MRPL54: variants seen among roughly 807,000 people sequenced by gnomAD.
MRPL54 encodes mitochondrial ribosomal protein L54.
MRPL54 carries 12 observed loss-of-function variants against 15.6 expected under a neutral mutation model. The ratio of observed to expected loss-of-function variants is 0.77; its 90% CI spans 0.49 to 1.24. The LOEUF is 1.24. MRPL54 is among the 50% of genes most tolerant of loss of function. The pLI is 0.00. For synonymous variants in MRPL54, 91 were observed against 75.7 expected (o/e 1.20, Z -1.05); for missense variants, 178 against 186.8 (o/e 0.95, Z 0.28).
chr19:3,766,371 G>A (rs546705243), intron 2 of MRPL54, among the ~76,000 whole-genome samples: 3 of 151,030 alleles, frequency 2.0e-5, no homozygotes, highest in South Asian at 4.2e-4. Flanking sequence ...GAGCCACCAC[G>A]CCTGGCCTAA....
rs2037189286 is a variant in MRPL54, at chr19:3,765,348, G to A, written c.284+17G>A. The A allele has an allele frequency of 3.7e-6, 6 of 1,611,690 alleles. No individual in the cohort carries two copies. In the South Asian group the frequency reaches 4.4e-5, roughly 12 times the overall value. On this transcript the variant is annotated intron_variant, in intron 2 of 2. Transcript: ENST00000330133. Reference sequence around the variant, plus strand: ...CCCTGAATGGTGAGTAGGCCAGGCTGTGTCATCCTGCAATGACTATTCCTT... The same window carrying A: ...CCCTGAATGGTGAGTAGGCCAGGCTATGTCATCCTGCAATGACTATTCCTT...
chr19:3,764,830 C>T (rs1461667666), intron 1 of MRPL54, among the ~76,000 whole-genome samples: 6 of 151,822 alleles, frequency 4.0e-5, no homozygotes, highest in Admixed American at 1.3e-4. Context: ...AGATCGAGAC[C>T]ATCCTGGCTA....
intron 2 of MRPL54, among the ~76,000 whole-genome samples, chr19:3,766,439 C>G (rs192964201): frequency 7.2e-5 from 11 of 152,282 alleles, no homozygotes; most frequent in Admixed American, 2.0e-4. Context: ...GTCTTGAACT[C>G]CTGACCTCAG....
chr19:3,767,527 G>A lies in MRPL54; in HGVS notation c.*134G>A, dbSNP rs78898700. The A allele has an allele frequency of 4.3e-4, 530 of 1,233,618 alleles. 2 individuals are homozygous for A. The African/African-American group carries it at 7.6e-3, about 18-fold the overall frequency. 76.4% of individuals were successfully genotyped at this position (1,233,618 alleles called of 1,614,324 possible). On this transcript the variant is annotated 3_prime_UTR_variant, in exon 3 of 3. Coordinates refer to ENST00000330133, the MANE Select transcript of MRPL54 (RefSeq NM_172251.3). ...GACCCCACAGTGGGGCTGGACCAGG[G>A]CCCTGGAGGCCAATAAAGAGCTTTC... is the stretch of plus-strand genomic sequence containing the variant.
Position 3,765,726 on chromosome 19 carries a change from C to T in MRPL54, c.284+395C>T, listed in dbSNP as rs368892893. 5.0e-4 allele frequency among the ~76,000 whole-genome samples: 76 copies of T among 151,894 alleles called. 1 individual carries two copies. The highest frequency in any genetic ancestry group is 1.5e-3 in the African/African-American group (64 of 41,470). ...CAGCCTGGCCAACATGGTGAAACCT[C>T]GTCTCTACTAAAAATATAAAAATTA... On this transcript the variant is annotated intron_variant, in intron 2 of 2. Coordinates refer to ENST00000330133, the MANE Select transcript of MRPL54 (RefSeq NM_172251.3).
chr19:3,767,283 C>T lies in MRPL54; in HGVS notation c.307C>T (p.Pro103Ser), dbSNP rs372899546. ...PEWLFEMNLGPPKTLEELDPE... is the reference protein window; with the variant it reads ...PEWLFEMNLGSPKTLEELDPE... ...CAGGCTGTTCGAGATGAACTTGGGT[C>T]CCCCAAAGACCCTGGAGGAGCTGGA... The change falls in exon 3 of 3, where the codon CCC (proline) becomes TCC (serine). Residue 103 changes from proline to serine, a missense_variant. Pro to Ser is a moderately conservative substitution (Grantham distance 74). Transcript: ENST00000330133. The T allele has an allele frequency of 2.5e-6, 4 of 1,612,310 alleles. No individual in the cohort carries two copies. The highest frequency in any genetic ancestry group is 2.7e-5 in the African/African-American group (2 of 74,824).
At chr19:3,767,149 A>T (rs1490223365) in intron 2 of MRPL54, 112 bp from the exon 3 acceptor site, 1 of 1,387,678 alleles carries the variant, frequency 7.2e-7, no homozygotes, top group African/African-American at 1.5e-5. Context: ...TCATGCAGCC[A>T]ACCAGTGGGC....
intron 2 of MRPL54, among the ~76,000 whole-genome samples, chr19:3,766,786 G>A (rs2037202139): frequency 6.6e-6 from 1 of 152,204 alleles, no homozygotes; most frequent in Non-Finnish European, 1.5e-5. Flanking sequence ...TCCAGGCAGT[G>A]GGCACAGCCT....
chr19:3,766,445 C>G (rs1411285413), intron 2 of MRPL54, among the ~76,000 whole-genome samples: 4 of 152,064 alleles, frequency 2.6e-5, no homozygotes, highest in Non-Finnish European at 5.9e-5. Flanking sequence ...AACTCCTGAC[C>G]TCAGGTGATC....
intron 1 of MRPL54, among the ~76,000 whole-genome samples, chr19:3,763,595 A>G (rs533710511): frequency 2.0e-4 from 29 of 146,958 alleles, no homozygotes; most frequent in African/African-American, 6.9e-4. Flanking sequence ...CCTGGGCAAC[A>G]TAGCAGGACC....
chr19:3,765,206 C>T lies in MRPL54; in HGVS notation c.159C>T (p.Ser53=), dbSNP rs750591489. ...GAKSGKGAVT[S]EALKDPDVCT... Reference sequence around the variant, plus strand: ...AATCGGGAAAAGGTGCAGTGACCAGCGAGGCCCTCAAGGACCCCGACGTAT... The same window carrying T: ...AATCGGGAAAAGGTGCAGTGACCAGTGAGGCCCTCAAGGACCCCGACGTAT... Residue 53 remains serine, a synonymous_variant, in exon 2 of 3, where the codon AGC becomes AGT. Coordinates refer to ENST00000330133, the MANE Select transcript of MRPL54 (RefSeq NM_172251.3). 4.1e-5 allele frequency: 66 copies of T among 1,613,344 alleles called. 2 individuals are homozygous for T. In the South Asian group the frequency reaches 6.2e-4, roughly 15 times the overall value.
In MRPL54 at chr19:3,762,827, G is replaced by T; in HGVS notation, c.118+9G>T. On this transcript the variant is annotated intron_variant, in intron 1 of 2. Transcript: ENST00000330133. Reference sequence around the variant, plus strand: ...TTATGCCAAGAAACCAGGTGAGCTGGGTTAAGAGGAACCAAATGGGGACGG... The same window carrying T: ...TTATGCCAAGAAACCAGGTGAGCTGTGTTAAGAGGAACCAAATGGGGACGG... 4 of 1,554,334 alleles carry T rather than the reference G, an allele frequency of 2.6e-6. No homozygotes were observed. The highest frequency in any genetic ancestry group is 1.2e-5 in the South Asian group (1 of 86,002).
intron 2 of MRPL54, among the ~76,000 whole-genome samples, chr19:3,766,689 A>T (rs1317601357): frequency 1.3e-5 from 2 of 152,180 alleles, no homozygotes; most frequent in Non-Finnish European, 2.9e-5. Flanking sequence ...GGGCAGGAGA[A>T]TGAGGGACAG....
rs769818655 is a variant in MRPL54, at chr19:3,767,256, G to A, written c.285-5G>A. ...AGCTCTGATTCCTGCCCGCACCCCCGTCAGGCTGTTCGAGATGAACTTGGG... is the reference window on the plus strand; with the variant it reads ...AGCTCTGATTCCTGCCCGCACCCCCATCAGGCTGTTCGAGATGAACTTGGG... On this transcript the variant is annotated splice_region_variant and splice_polypyrimidine_tract_variant and intron_variant, in intron 2 of 2. Transcript: ENST00000330133. 1.2e-5 allele frequency: 20 copies of A among 1,610,928 alleles called. No homozygotes were observed. Among genetic ancestry groups the A allele is most frequent in the Admixed American group, 5.0e-5 (3 of 59,652 alleles).
In MRPL54 at chr19:3,767,428, A is replaced by C; in HGVS notation, c.*35A>C. 1 of 1,596,292 alleles carries C rather than the reference A, an allele frequency of 6.3e-7. No individual in the cohort carries two copies. The highest frequency in any genetic ancestry group is 8.5e-7 in the Non-Finnish European group (1 of 1,174,742). On this transcript the variant is annotated 3_prime_UTR_variant, in exon 3 of 3. Coordinates refer to ENST00000330133, the MANE Select transcript of MRPL54 (RefSeq NM_172251.3). ...CCCGGCATCGCTGACCCCCACGCCGAGGGCTTGCCGTTTTCCCGGAGGACG... is the reference window on the plus strand; with the variant it reads ...CCCGGCATCGCTGACCCCCACGCCGCGGGCTTGCCGTTTTCCCGGAGGACG...
Position 3,765,416 on chromosome 19 carries a change from A to G in MRPL54, c.284+85A>G, listed in dbSNP as rs943502196. ...CCCCTTCCCGGAGAGGCGGATCGCC[A>G]CTCCAGCCGGAGCCTAATAGTCACA... On this transcript the variant is annotated intron_variant, in intron 2 of 2. Transcript: ENST00000330133. 24 of 1,469,600 alleles carry G rather than the reference A, an allele frequency of 1.6e-5. No individual in the cohort carries two copies. The East Asian group carries it at 5.2e-4, about 32-fold the overall frequency. 91.0% of individuals were successfully genotyped at this position (1,469,600 alleles called of 1,614,324 possible).
intron 1 of MRPL54, among the ~76,000 whole-genome samples, chr19:3,763,120 A>G (rs11879267): frequency 0.79 from 120,983 of 152,232 alleles, 48,179 homozygotes; most frequent in South Asian, 0.84. Context: ...CGGGTTGGAA[A>G]GGATTTGAAG....
chr19:3,765,465 AG>A (rs1367314382), intron 2 of MRPL54, 134 bp downstream of exon 2: 15 of 878,402 alleles, frequency 1.7e-5, no homozygotes, highest in Admixed American at 5.6e-5. Context: ...GCTTTAGGGC[AG>A]GGGGCTTCAG....
At chr19:3,765,388 G>A in intron 2 of MRPL54, 57 bp downstream of exon 2, 1 of 1,588,508 alleles carries the variant, frequency 6.3e-7, no homozygotes. Context: ...CGCCCCAGGA[G>A]GACCCCTTCC....
Sources: gnomAD v4.1 joint callset for allele counts (sites outside exome capture counted in the v4.1 genomes callset) on GRCh38, gnomAD v4.1.1 for gene constraint, MANE v1.5 for transcripts, NCBI Gene and HGNC (gene_info 2026-07-23, HGNC 2026-07-21) for gene names.